CLASP1: variants seen among roughly 807,000 people sequenced by gnomAD.
The protein encoded by CLASP1 is CLIP-associating protein 1.
A neutral mutation model predicts 192.3 loss-of-function variants in CLASP1; 38 were observed. The observed-to-expected ratio is 0.20, with a 90% confidence interval of 0.15 to 0.26. CLASP1 has a LOEUF of 0.26. Ranked by LOEUF, CLASP1 falls within the 10% of genes least tolerant of loss-of-function variation. The probability of loss-of-function intolerance (pLI) is 1.00; values close to 1 mark genes in which losing one functional copy is unlikely to be tolerated. For synonymous variants in CLASP1, 691 were observed against 712.8 expected, an observed-to-expected ratio of 0.97 and a Z score of 0.49; for missense variants, 1,433 against 1,932.5, an observed-to-expected ratio of 0.74 and a Z score of 4.85.
intron 1 of CLASP1, among the ~76,000 whole-genome samples, chr2:121,620,358 T>G (rs1338225307): frequency 6.6e-6 from 1 of 152,072 alleles, no homozygotes; most frequent in African/African-American, 2.4e-5. Flanking sequence ...ATACTAAGCT[T>G]CTTTTTTTTT....
At chr2:121,502,961 C>T (rs949229075) in intron 8 of CLASP1, among the ~76,000 whole-genome samples, 1 of 152,094 alleles carries the variant, frequency 6.6e-6, no homozygotes, top group African/African-American at 2.4e-5. Context: ...CAACAGGATT[C>T]GCTAATAAAT....
intron 8 of CLASP1, among the ~76,000 whole-genome samples, chr2:121,471,832 C>A (rs951682018): frequency 2.6e-5 from 4 of 152,120 alleles, no homozygotes; most frequent in Non-Finnish European, 5.9e-5. Context: ...TTCAGATGTA[C>A]AGTGCTCTTA....
chr2:121,361,189 G>A (rs1278944862), intron 37 of CLASP1, among the ~76,000 whole-genome samples: 1 of 152,188 alleles, frequency 6.6e-6, no homozygotes, highest in East Asian at 1.9e-4. Flanking sequence ...TAAAGGTGCA[G>A]TGGCTCATGC....
chr2:121,458,822 G>A lies in CLASP1; in HGVS notation c.1314+18C>T. The stretch of plus-strand genomic sequence containing the variant: ...TTTACCACTTGCTTATTTCAAGCAT[G>A]GCCTATAACATACTTACCCGAATAA... On this transcript the variant is annotated intron_variant, in intron 13 of 39. Coordinates refer to ENST00000263710, the Ensembl canonical transcript of CLASP1. 2 of 1,556,874 alleles carry A rather than the reference G, an allele frequency of 1.3e-6. No homozygotes were observed. Among genetic ancestry groups the A allele is most frequent in the Non-Finnish European group, 1.7e-6 (2 of 1,150,786 alleles).
chr2:121,478,954 A>ACACACACAC (rs1278809559), intron 8 of CLASP1, among the ~76,000 whole-genome samples: 1 of 29,284 alleles, frequency 3.4e-5, no homozygotes, highest in Non-Finnish European at 6.8e-5. Flanking sequence ...CACACACCAC[A>ACACACACAC]CACACACACC....
intron 2 of CLASP1, chr2:121,530,867 G>C (rs572378395): frequency 1.5e-6 from 1 of 678,876 alleles, no homozygotes; most frequent in South Asian, 1.5e-5. Context: ...GCAGCCCAGG[G>C]ACTTTCTATT....
intron 2 of CLASP1, among the ~76,000 whole-genome samples, chr2:121,559,154 A>C (rs1215884149): frequency 6.6e-6 from 1 of 152,218 alleles, no homozygotes; most frequent in East Asian, 1.9e-4. Context: ...CAGAATGCTC[A>C]ATCTTTAGAA....
At chr2:121,560,445 C>T (rs1296296555) in intron 2 of CLASP1, among the ~76,000 whole-genome samples, 3 of 152,098 alleles carry the variant, frequency 2.0e-5, no homozygotes, top group South Asian at 2.1e-4. Context: ...CACATAAATT[C>T]GAAATTTAAG....
At chr2:121,523,951 G>A (rs1318247606) in intron 6 of CLASP1, among the ~76,000 whole-genome samples, 1 of 152,226 alleles carries the variant, frequency 6.6e-6, no homozygotes, top group Non-Finnish European at 1.5e-5. Flanking sequence ...ATGGACTGCA[G>A]TGTGGTGCAC....
Position 121,366,732 on chromosome 2 carries a change from G to A in CLASP1, c.3886+856C>T, listed in dbSNP as rs535645622. Among the ~76,000 whole-genome samples the A allele has an allele frequency of 9.2e-5, 14 of 152,296 alleles. No individual in the cohort carries two copies. The South Asian group carries it at 2.5e-3, about 27-fold the overall frequency. ...AGGTTCTAATTACTCATTCAAACTT[G>A]AGAAATAAAACAGGCTTCAAAACAA... On this transcript the variant is annotated intron_variant, in intron 35 of 39. Coordinates refer to ENST00000263710, the Ensembl canonical transcript of CLASP1.
intron 25 of CLASP1, among the ~76,000 whole-genome samples, chr2:121,406,281 CAAA>C (rs767367469): frequency 1.3e-5 from 2 of 152,048 alleles, no homozygotes; most frequent in African/African-American, 2.4e-5. Flanking sequence ...AAAACAGAAA[CAAA>C]GAAAAAAGCA....
chr2:121,516,807 T>C lies in CLASP1; in HGVS notation c.547-1045A>G, dbSNP rs925230638. ...ACTTTGGGAGGCCGAAGCGGGCAGATCACGAGGTCTGGAGTTCAAGACCAG... is the reference window on the plus strand; with the variant it reads ...ACTTTGGGAGGCCGAAGCGGGCAGACCACGAGGTCTGGAGTTCAAGACCAG... On this transcript the variant is annotated intron_variant, in intron 6 of 39. Coordinates refer to ENST00000263710, the Ensembl canonical transcript of CLASP1. 4.0e-5 allele frequency among the ~76,000 whole-genome samples: 6 copies of C among 151,848 alleles called. No individual in the cohort carries two copies. The South Asian group carries it at 6.2e-4, about 16-fold the overall frequency.
intron 7 of CLASP1, among the ~76,000 whole-genome samples, chr2:121,513,283 A>G (rs940756955): frequency 2.6e-5 from 4 of 152,224 alleles, no homozygotes; most frequent in African/African-American, 9.6e-5. Context: ...AAGTGTCACA[A>G]TATGGATGTG....
At chr2:121,621,917 G>A (rs1464268653) in intron 1 of CLASP1, among the ~76,000 whole-genome samples, 6 of 152,128 alleles carry the variant, frequency 3.9e-5, no homozygotes, top group East Asian at 3.9e-4. Flanking sequence ...GCGTGATCTC[G>A]GCTTACTGCA....
chr2:121,563,167 T>C (rs2059233853), intron 2 of CLASP1, among the ~76,000 whole-genome samples: 1 of 152,134 alleles, frequency 6.6e-6, no homozygotes, highest in Non-Finnish European at 1.5e-5. Flanking sequence ...CACTTCTCTC[T>C]CCCTTCTCTG....
chr2:121,441,717 G>A (rs972290760), intron 19 of CLASP1, among the ~76,000 whole-genome samples: 2 of 151,826 alleles, frequency 1.3e-5, no homozygotes, highest in Non-Finnish European at 2.9e-5. Context: ...GCACTCCAGA[G>A]CCTGGGTAAC....
chr2:121,495,302 G>A (rs556500620), intron 8 of CLASP1, among the ~76,000 whole-genome samples: 142 of 150,546 alleles, frequency 9.4e-4, no homozygotes, highest in Middle Eastern at 7.2e-3. Flanking sequence ...CAGCCTGGGC[G>A]ACAGAGCTGG....
chr2:121,451,937 T>A, intron 14 of CLASP1, 88 bp from the exon 15 acceptor site: 1 of 817,444 alleles, frequency 1.2e-6, no homozygotes, highest in Non-Finnish European at 2.0e-6. Context: ...CCAATACTAT[T>A]TTTTATAATT....
At chr2:121,627,967 C>T (rs941829496) in intron 1 of CLASP1, among the ~76,000 whole-genome samples, 1 of 152,142 alleles carries the variant, frequency 6.6e-6, no homozygotes, top group African/African-American at 2.4e-5. Context: ...ATTTCAAATA[C>T]TATGAAATAC....
Sources: gnomAD v4.1 joint callset for allele counts (sites outside exome capture counted in the v4.1 genomes callset) on GRCh38, gnomAD v4.1.1 for gene constraint, MANE v1.5 for transcripts, NCBI Gene and HGNC (gene_info 2026-07-23, HGNC 2026-07-21) for gene names.